Variants in SUMF1 observed in about 807,000 individuals in gnomAD.
SUMF1 encodes the protein formylglycine-generating enzyme.
SUMF1 carries 48 observed loss-of-function variants against 47.6 expected under a neutral mutation model. The ratio of observed to expected loss-of-function variants is 1.01; its 90% CI spans 0.80 to 1.28. The LOEUF is 1.28. Among genes scored for constraint, SUMF1 ranks in the 50% most tolerant of loss-of-function variants. The probability of loss-of-function intolerance (pLI) is 0.00; values close to 1 mark genes in which losing one functional copy is unlikely to be tolerated. For missense variants in SUMF1, 571 were observed against 485.4 expected, an observed-to-expected ratio of 1.18 and a Z score of -1.66; for synonymous variants, 230 against 192.1, an observed-to-expected ratio of 1.20 and a Z score of -1.63.
chr3:4,060,845 T>C (rs1321914359), intron 9 of SUMF1, among the ~76,000 whole-genome samples: 1 of 152,144 alleles, frequency 6.6e-6, no homozygotes, highest in Non-Finnish European at 1.5e-5. Flanking sequence ...ACATAGTAAA[T>C]AGCATTTGTT....
At chr3:4,172,068 T>A (rs1284777080) in intron 8 of SUMF1, among the ~76,000 whole-genome samples, 1 of 152,190 alleles carries the variant, frequency 6.6e-6, no homozygotes, top group East Asian at 1.9e-4. Context: ...TTAGAAAGTT[T>A]CTGTAGGAAA....
At chr3:4,050,705 T>C (rs1451319276) in intron 9 of SUMF1, among the ~76,000 whole-genome samples, 1 of 134,416 alleles carries the variant, frequency 7.4e-6, no homozygotes, top group Non-Finnish European at 1.5e-5. Flanking sequence ...ATCATGCCAC[T>C]GCACTCCACT....
chr3:4,252,217 T>C (rs534376967), intron 8 of SUMF1, among the ~76,000 whole-genome samples: 1 of 152,198 alleles, frequency 6.6e-6, no homozygotes, highest in Non-Finnish European at 1.5e-5. Flanking sequence ...ACAGAATTAA[T>C]GGTTGCCCCA....
At chr3:4,171,275 G>T (rs1397311851) in intron 8 of SUMF1, among the ~76,000 whole-genome samples, 1 of 152,116 alleles carries the variant, frequency 6.6e-6, no homozygotes, top group Non-Finnish European at 1.5e-5. Context: ...AATACACAAG[G>T]AAATCCCCTC....
intron 3 of SUMF1, among the ~76,000 whole-genome samples, chr3:4,426,774 A>G (rs866516945): frequency 6.6e-6 from 1 of 152,218 alleles, no homozygotes; most frequent in African/African-American, 2.4e-5. Context: ...CCACCTACAC[A>G]TTCTCTGCTC....
At chr3:4,431,845 C>T (rs1702243465) in intron 3 of SUMF1, among the ~76,000 whole-genome samples, 1 of 152,052 alleles carries the variant, frequency 6.6e-6, no homozygotes, top group Non-Finnish European at 1.5e-5. Context: ...TAAGAGCATC[C>T]CATTTCGCTG....
intron 8 of SUMF1, among the ~76,000 whole-genome samples, chr3:4,332,132 CAATT>C (rs1373597526): frequency 6.6e-6 from 1 of 151,950 alleles, no homozygotes; most frequent in African/African-American, 2.4e-5. Flanking sequence ...TTCTTTAAGC[CAATT>C]AATTAGAGCC....
chr3:4,366,786 G>T (rs7373135), intron 8 of SUMF1, among the ~76,000 whole-genome samples: 1 of 150,756 alleles, frequency 6.6e-6, no homozygotes, highest in East Asian at 1.9e-4. Context: ...GAGGAGGAGA[G>T]GCGCTCTGCT....
chr3:4,096,056 C>G (rs944615403), intron 8 of SUMF1, among the ~76,000 whole-genome samples: 3 of 152,108 alleles, frequency 2.0e-5, no homozygotes, highest in South Asian at 4.1e-4. Context: ...CTAGGCATAG[C>G]CCACCGGCTT....
At chr3:4,088,408 A>T (rs372452131) in intron 8 of SUMF1, among the ~76,000 whole-genome samples, 3 of 152,112 alleles carry the variant, frequency 2.0e-5, no homozygotes, top group Admixed American at 6.6e-5. Flanking sequence ...TTTGTGAACA[A>T]CTATTATGCA....
At chr3:4,234,381 C>T (rs1363480394) in intron 8 of SUMF1, among the ~76,000 whole-genome samples, 1 of 152,052 alleles carries the variant, frequency 6.6e-6, no homozygotes, top group African/African-American at 2.4e-5. Flanking sequence ...GAAACTTTAC[C>T]TTCAGGTATT....
chr3:4,375,332 C>T (rs1329910466), intron 8 of SUMF1, among the ~76,000 whole-genome samples: 3 of 151,962 alleles, frequency 2.0e-5, no homozygotes, highest in Non-Finnish European at 4.4e-5. Flanking sequence ...GAGAGATTTG[C>T]TTTAGGCTAG....
intron 8 of SUMF1, among the ~76,000 whole-genome samples, chr3:4,252,025 G>A (rs1179458016): frequency 6.6e-6 from 1 of 152,194 alleles, no homozygotes; most frequent in Admixed American, 6.5e-5. Flanking sequence ...GTGCTGGTCT[G>A]AAACCAAACC....
At chr3:4,273,043 G>C (rs533977894) in intron 8 of SUMF1, among the ~76,000 whole-genome samples, 1 of 151,598 alleles carries the variant, frequency 6.6e-6, no homozygotes, top group East Asian at 1.9e-4. Flanking sequence ...CTGGGTGACA[G>C]AGTGAGGCTC....
At chr3:4,421,713 G>T (rs1411847687) in intron 3 of SUMF1, among the ~76,000 whole-genome samples, 3 of 152,118 alleles carry the variant, frequency 2.0e-5, no homozygotes, top group African/African-American at 7.2e-5. Context: ...GAACTACTGG[G>T]CTCCAGTGAT....
At chr3:4,269,742 A>G (rs1313146994) in intron 8 of SUMF1, among the ~76,000 whole-genome samples, 1 of 152,232 alleles carries the variant, frequency 6.6e-6, no homozygotes, top group Non-Finnish European at 1.5e-5. Flanking sequence ...GAAGCCATGA[A>G]GCTCACAATG....
At chr3:4,258,985 T>C (rs1697024287) in intron 8 of SUMF1, among the ~76,000 whole-genome samples, 1 of 149,078 alleles carries the variant, frequency 6.7e-6, no homozygotes, top group East Asian at 1.9e-4. Flanking sequence ...AAATTGGAGA[T>C]CATCATTCTC....
In SUMF1 at chr3:4,318,259, T is replaced by C. The variant is rs571623266; in HGVS notation, c.1014+58071A>G. On this transcript the variant is annotated intron_variant and NMD_transcript_variant, in intron 8 of 12. Transcript: ENST00000448413. Reference sequence around the variant, plus strand: ...CAAAAGAATTATACACTGTGATCCATTGGGATTTATCCCAGGAAAGCAAGA... The same window carrying C: ...CAAAAGAATTATACACTGTGATCCACTGGGATTTATCCCAGGAAAGCAAGA... 8.6e-5 allele frequency among the ~76,000 whole-genome samples: 13 copies of C among 151,952 alleles called. No homozygotes were observed. In the East Asian group the frequency reaches 1.9e-3, roughly 23 times the overall value.
intron 8 of SUMF1, among the ~76,000 whole-genome samples, chr3:4,263,815 C>A (rs1380033507): frequency 6.6e-6 from 1 of 152,118 alleles, no homozygotes; most frequent in Non-Finnish European, 1.5e-5. Context: ...GTCTTGTGCT[C>A]CAAGTGGGCA....
Sources: allele counts gnomAD v4.1 joint callset (sites outside exome capture counted in the v4.1 genomes callset), GRCh38; gene constraint gnomAD v4.1.1; transcripts MANE v1.5; gene names NCBI Gene and HGNC (gene_info 2026-07-23, HGNC 2026-07-21).